METTL15: variants seen among roughly 807,000 people sequenced by gnomAD.
The protein encoded by METTL15 is methyltransferase 15, mitochondrial 12S rRNA N4-cytidine.
Under a neutral mutation model 38.3 loss-of-function variants are expected in METTL15, and 34 were observed. That is an observed-to-expected ratio of 0.89 (90% CI 0.68 to 1.18). METTL15 has a LOEUF of 1.18. Among genes scored for constraint, METTL15 ranks in the 50% most tolerant of loss-of-function variants. The pLI is 0.00. For missense variants in METTL15, 438 were observed against 498.4 expected (o/e 0.88, Z 1.15); for synonymous variants, 162 against 170.9 (o/e 0.95, Z 0.41).
intron 6 of METTL15, among the ~76,000 whole-genome samples, chr11:28,303,744 G>GA (rs571378175): frequency 6.6e-6 from 1 of 152,162 alleles, no homozygotes; most frequent in African/African-American, 2.4e-5. Flanking sequence ...AATTCAAGGG[G>GA]AAAAAATATA....
At chr11:28,298,097 C>T (rs1856799941) in intron 6 of METTL15, among the ~76,000 whole-genome samples, 1 of 151,848 alleles carries the variant, frequency 6.6e-6, no homozygotes, top group Non-Finnish European at 1.5e-5. Flanking sequence ...TTTCTTTAGG[C>T]AAGTTTAAGA....
intron 4 of METTL15, among the ~76,000 whole-genome samples, chr11:28,237,624 G>A (rs960955179): frequency 6.6e-5 from 10 of 152,210 alleles, no homozygotes; most frequent in Admixed American, 2.0e-4. Flanking sequence ...TCTCCGTCCA[G>A]CTTTGTTCCG....
intron 3 of METTL15, among the ~76,000 whole-genome samples, chr11:28,344,430 A>C (rs112770482): frequency 6.6e-6 from 1 of 152,184 alleles, no homozygotes; most frequent in African/African-American, 2.4e-5. Context: ...CAGCACATGC[A>C]CACTAATTTT....
At chr11:28,245,446 C>T (rs966310479) in intron 4 of METTL15, among the ~76,000 whole-genome samples, 3 of 151,986 alleles carry the variant, frequency 2.0e-5, no homozygotes, top group Admixed American at 2.0e-4. Context: ...TTATTTCCTT[C>T]AGTGGTGTCA....
At chr11:28,362,678 T>C (rs1024718613) in intron 5 of METTL15, among the ~76,000 whole-genome samples, 2 of 152,214 alleles carry the variant, frequency 1.3e-5, no homozygotes, top group African/African-American at 4.8e-5. Flanking sequence ...GCTTTATCCA[T>C]ATTGCACAAG....
At chr11:28,181,259 A>ATTTTTTTTTTTTTTTTTTTTTTTTTT (rs71449171) in intron 3 of METTL15, among the ~76,000 whole-genome samples, 3 of 133,798 alleles carry the variant, frequency 2.2e-5, no homozygotes, top group Non-Finnish European at 4.7e-5. Context: ...TTAATTTTTA[A>ATTTTTTTTTTTTTTTTTTTTTTTTTT]TTTTTTTTTT....
intron 4 of METTL15, among the ~76,000 whole-genome samples, chr11:28,223,689 A>G (rs1328472208): frequency 6.6e-6 from 1 of 152,154 alleles, no homozygotes; most frequent in African/African-American, 2.4e-5. Flanking sequence ...TTTTTACAGA[A>G]AACTGAGCAA....
At chr11:28,325,586 A>G (rs909040818) in intron 6 of METTL15, among the ~76,000 whole-genome samples, 4 of 152,170 alleles carry the variant, frequency 2.6e-5, no homozygotes, top group Admixed American at 6.5e-5. Flanking sequence ...CTTTTCAACA[A>G]ACATTTATTG....
At chr11:28,124,705 G>A (rs910208058) in intron 3 of METTL15, among the ~76,000 whole-genome samples, 2 of 151,972 alleles carry the variant, frequency 1.3e-5, no homozygotes, top group Admixed American at 6.6e-5. Context: ...CTTTCTGTAC[G>A]TTTTCCCTGC....
chr11:28,465,026 T>C (rs1317202227), intron 6 of METTL15, among the ~76,000 whole-genome samples: 7 of 152,228 alleles, frequency 4.6e-5, no homozygotes, highest in African/African-American at 1.7e-4. Flanking sequence ...TACTCATCTT[T>C]TTAGTATGAT....
At chr11:28,479,333 G>A (rs1285366283) in intron 6 of METTL15, among the ~76,000 whole-genome samples, 1 of 152,124 alleles carries the variant, frequency 6.6e-6, no homozygotes, top group East Asian at 1.9e-4. Context: ...TGAGGAAGAA[G>A]GACAGATACC....
At chr11:28,310,843 A>G (rs1379359760) in intron 6 of METTL15, among the ~76,000 whole-genome samples, 1 of 149,854 alleles carries the variant, frequency 6.7e-6, no homozygotes, top group African/African-American at 2.5e-5. Context: ...CGTCTCCACC[A>G]GTTGAAATAT....
At chr11:28,149,222 G>A (rs1033971801) in intron 3 of METTL15, among the ~76,000 whole-genome samples, 2 of 149,962 alleles carry the variant, frequency 1.3e-5, no homozygotes, top group African/African-American at 4.9e-5. Flanking sequence ...TCTACTTTGA[G>A]GAACCTATGT....
intron 6 of METTL15, among the ~76,000 whole-genome samples, chr11:28,484,899 T>C (rs1851426199): frequency 6.6e-6 from 1 of 152,104 alleles, no homozygotes; most frequent in Non-Finnish European, 1.5e-5. Flanking sequence ...TCTGTTGCTG[T>C]TGGTCACATG....
intron 6 of METTL15, among the ~76,000 whole-genome samples, chr11:28,321,751 G>A (rs995201347): frequency 4.6e-5 from 7 of 151,970 alleles, no homozygotes; most frequent in African/African-American, 1.2e-4. Context: ...GTGGGCTGGT[G>A]GAGGAGAAGA....
At chr11:28,248,785 G>A (rs887599725) in intron 4 of METTL15, among the ~76,000 whole-genome samples, 1 of 151,340 alleles carries the variant, frequency 6.6e-6, no homozygotes, top group Non-Finnish European at 1.5e-5. Context: ...TTTTGTGATA[G>A]GTATTTTTAT....
At chr11:28,197,712 A>G (rs866999819) in intron 3 of METTL15, among the ~76,000 whole-genome samples, 16 of 152,010 alleles carry the variant, frequency 1.1e-4, no homozygotes, top group South Asian at 2.1e-4. Flanking sequence ...GTAATTGTAC[A>G]TGCATGTTTG....
At chr11:28,447,078 C>A (rs1202545115) in intron 6 of METTL15, among the ~76,000 whole-genome samples, 3 of 152,062 alleles carry the variant, frequency 2.0e-5, no homozygotes, top group Non-Finnish European at 4.4e-5. Flanking sequence ...ACCCATAATT[C>A]CACCACTCAC....
chr11:28,366,060 C>CAAAT (rs907417706), intron 5 of METTL15, among the ~76,000 whole-genome samples: 1 of 151,902 alleles, frequency 6.6e-6, no homozygotes, highest in Admixed American at 6.6e-5. Flanking sequence ...AAAAAACAAA[C>CAAAT]AAATAAATAA....
Sources: allele counts gnomAD v4.1 joint callset (sites outside exome capture counted in the v4.1 genomes callset), GRCh38; gene constraint gnomAD v4.1.1; transcripts MANE v1.5; gene names NCBI Gene and HGNC (gene_info 2026-07-23, HGNC 2026-07-21).